Variants in CDH18 observed in about 807,000 individuals in gnomAD.
The protein encoded by CDH18 is cadherin-18.
A neutral mutation model predicts 67.9 loss-of-function variants in CDH18; 31 were observed. The ratio of observed to expected loss-of-function variants is 0.46; its 90% CI spans 0.34 to 0.62. CDH18 has a LOEUF of 0.62. CDH18 is among the 20% of genes least tolerant of loss of function. CDH18 has a pLI of 0.01. For missense variants in CDH18, 890 were observed against 975.5 expected (o/e 0.91, Z 1.17); for synonymous variants, 362 against 347.2 (o/e 1.04, Z -0.48).
At chr5:19,750,773 C>A (rs958075631) in intron 3 of CDH18, among the ~76,000 whole-genome samples, 22 of 78,746 alleles carry the variant, frequency 2.8e-4, no homozygotes, top group South Asian at 5.0e-4. Flanking sequence ...CCCCCCCCCC[C>A]ACTTTTTTTA....
chr5:20,107,079 A>T (rs981074137), intron 2 of CDH18, among the ~76,000 whole-genome samples: 2 of 120,212 alleles, frequency 1.7e-5, no homozygotes, highest in East Asian at 5.2e-4. Flanking sequence ...TCCTTTTATA[A>T]CTTTCTTTTT....
At chr5:19,978,408 C>G (rs1325421133) in intron 2 of CDH18, among the ~76,000 whole-genome samples, 1 of 152,018 alleles carries the variant, frequency 6.6e-6, no homozygotes, top group African/African-American at 2.4e-5. Context: ...AAATAACATT[C>G]TATATGTTTC....
At chr5:19,994,847 T>G (rs1261658682) in intron 2 of CDH18, among the ~76,000 whole-genome samples, 542 of 32,154 alleles carry the variant, frequency 0.017, 42 homozygotes, top group South Asian at 0.035. Flanking sequence ...TATATATATA[T>G]ATATATATAG....
intron 3 of CDH18, among the ~76,000 whole-genome samples, chr5:19,759,787 C>T (rs958330925): frequency 1.2e-4 from 19 of 152,002 alleles, no homozygotes; most frequent in East Asian, 3.9e-4. Context: ...CATAAATTGT[C>T]GGAAATGTAG....
At chr5:19,593,707 C>CCTCCTCCTCCTCCTTCTTCCT in intron 6 of CDH18, among the ~76,000 whole-genome samples, 6 of 33,384 alleles carry the variant, frequency 1.8e-4, no homozygotes, top group East Asian at 0.022. Context: ...TCCTCCTCCT[C>CCTCCTCCTCCTCCTTCTTCCT]CTTCTTCTTC....
chr5:20,449,042 T>G (rs1750229587), intron 1 of CDH18, among the ~76,000 whole-genome samples: 2 of 152,088 alleles, frequency 1.3e-5, no homozygotes, highest in African/African-American at 4.8e-5. Context: ...AGGATGTACC[T>G]AAGTACATTG....
chr5:20,161,545 G>A (rs891765923), intron 2 of CDH18, among the ~76,000 whole-genome samples: 9 of 152,054 alleles, frequency 5.9e-5, no homozygotes, highest in African/African-American at 1.7e-4. Context: ...TAAGTTTTCC[G>A]TAATATCCAA....
intron 2 of CDH18, among the ~76,000 whole-genome samples, chr5:19,968,097 T>G (rs952958913): frequency 1.3e-5 from 2 of 151,274 alleles, no homozygotes; most frequent in African/African-American, 4.9e-5. Flanking sequence ...CACAATTGCT[T>G]CAAAGAGAAT....
intron 5 of CDH18, among the ~76,000 whole-genome samples, chr5:19,647,721 GC>G (rs1754983199): frequency 6.6e-6 from 1 of 151,776 alleles, no homozygotes; most frequent in Admixed American, 6.6e-5. Context: ...GATCAGCTCT[GC>G]CCTGCAGCAA....
intron 1 of CDH18, among the ~76,000 whole-genome samples, chr5:20,572,313 C>T (rs1460510424): frequency 1.3e-5 from 2 of 151,852 alleles, no homozygotes; most frequent in South Asian, 2.1e-4. Context: ...CATTGAGTTT[C>T]GGTGCTGTCC....
intron 2 of CDH18, among the ~76,000 whole-genome samples, chr5:19,872,088 T>C (rs1288514120): frequency 6.6e-6 from 1 of 152,210 alleles, no homozygotes; most frequent in Non-Finnish European, 1.5e-5. Context: ...TGTCATCATT[T>C]AATTATAATC....
At chr5:20,401,156 A>C (rs891805012) in intron 1 of CDH18, among the ~76,000 whole-genome samples, 27 of 152,212 alleles carry the variant, frequency 1.8e-4, no homozygotes, top group Non-Finnish European at 2.9e-4. Context: ...AACTGTCTTG[A>C]AATAATATTC....
chr5:19,733,006 T>A (rs866314888), intron 4 of CDH18, among the ~76,000 whole-genome samples: 3 of 152,026 alleles, frequency 2.0e-5, no homozygotes, highest in Non-Finnish European at 4.4e-5. Flanking sequence ...CAAAACAGCA[T>A]CCCCTGTCAG....
chr5:20,304,867 G>A, intron 1 of CDH18: 2 of 1,611,708 alleles, frequency 1.2e-6, no homozygotes, highest in South Asian at 1.1e-5. Flanking sequence ...TTCAATGTTT[G>A]CTAAATATTT....
At chr5:19,509,378 C>CA (rs1744759214) in intron 10 of CDH18, among the ~76,000 whole-genome samples, 1 of 152,030 alleles carries the variant, frequency 6.6e-6, no homozygotes, top group Admixed American at 6.6e-5. Context: ...ACTACAGGCC[C>CA]AATCCCCACC....
chr5:20,271,781 T>C (rs1346430085), intron 1 of CDH18, among the ~76,000 whole-genome samples: 1 of 152,028 alleles, frequency 6.6e-6, no homozygotes. Context: ...GAGAAATAAA[T>C]TTCTGTTGTG....
intron 4 of CDH18, among the ~76,000 whole-genome samples, chr5:19,733,283 T>C (rs1288943365): frequency 6.6e-6 from 1 of 152,200 alleles, no homozygotes; most frequent in East Asian, 1.9e-4. Flanking sequence ...ATTTTACATA[T>C]ACCTACCCTT....
intron 5 of CDH18, among the ~76,000 whole-genome samples, chr5:19,694,501 C>T (rs759673555): frequency 1.4e-4 from 21 of 152,018 alleles, no homozygotes; most frequent in Non-Finnish European, 2.1e-4. Context: ...ATCACACTTA[C>T]GAAGCTTTAA....
At chr5:20,568,769 G>A (rs931412161) in intron 1 of CDH18, among the ~76,000 whole-genome samples, 4 of 152,002 alleles carry the variant, frequency 2.6e-5, no homozygotes, top group Admixed American at 6.6e-5. Flanking sequence ...TTTATGCTTC[G>A]TACACTCATT....
Sources: gnomAD v4.1 joint callset for allele counts (sites outside exome capture counted in the v4.1 genomes callset) on GRCh38, gnomAD v4.1.1 for gene constraint, MANE v1.5 for transcripts, NCBI Gene and HGNC (gene_info 2026-07-23, HGNC 2026-07-21) for gene names.